The following CNTN4 variants were observed in gnomAD, a reference collection of about 807,000 sequenced individuals.
CNTN4 encodes contactin 4.
A neutral mutation model predicts 122.5 loss-of-function variants in CNTN4; 77 were observed. The observed-to-expected ratio is 0.63, with a 90% confidence interval of 0.52 to 0.76. The LOEUF (loss-of-function observed/expected upper bound fraction) is 0.76, where lower values mean the gene tolerates loss of function less well. CNTN4 is among the 30% of genes least tolerant of loss of function. CNTN4 has a pLI of 0.00. For synonymous variants in CNTN4, 512 were observed against 447.0 expected (o/e 1.15, Z -1.83); for missense variants, 1,256 against 1,259.1 (o/e 1.00, Z 0.04).
At chr3:2,275,940 A>C (rs1436089880) in intron 2 of CNTN4, among the ~76,000 whole-genome samples, 24 of 33,708 alleles carry the variant, frequency 7.1e-4, no homozygotes, top group African/African-American at 2.0e-3. Flanking sequence ...AAAAAAAACA[A>C]AAAAAAATAT....
intron 20 of CNTN4, 27 bp from the exon 21 acceptor site, chr3:3,042,283 A>C (rs1700233392): frequency 6.9e-7 from 1 of 1,442,258 alleles, no homozygotes; most frequent in Non-Finnish European, 9.8e-7. Context: ...CTGATAGAGT[A>C]ATAACTATCT....
In CNTN4 at chr3:2,986,172, C is replaced by T. The variant is rs914025970; in HGVS notation, c.1359-2173C>T. 5.3e-5 allele frequency among the ~76,000 whole-genome samples: 8 copies of T among 152,222 alleles called. No homozygotes were observed. In the South Asian group the frequency reaches 1.7e-3, roughly 32 times the overall value. ...TCAAGTGATCCTCCTGCCTCAGCCCCCTAAAGTGCTAGAATTACAGGCATG... is the reference window on the plus strand; with the variant it reads ...TCAAGTGATCCTCCTGCCTCAGCCCTCTAAAGTGCTAGAATTACAGGCATG... On this transcript the variant is annotated intron_variant, in intron 13 of 24. Transcript: ENST00000418658.
At chr3:3,041,550 C>T (rs1367329116) in intron 20 of CNTN4, among the ~76,000 whole-genome samples, 1 of 152,206 alleles carries the variant, frequency 6.6e-6, no homozygotes, top group Non-Finnish European at 1.5e-5. Context: ...GCATCTTTGG[C>T]TGCAAAGGAG....
At chr3:2,104,088 T>C (rs1377373201) in intron 2 of CNTN4, among the ~76,000 whole-genome samples, 1 of 152,202 alleles carries the variant, frequency 6.6e-6, no homozygotes, top group Non-Finnish European at 1.5e-5. Flanking sequence ...AAATACTGTA[T>C]ACCTACCAGT....
At chr3:2,953,105 G>C (rs969990865) in intron 13 of CNTN4, among the ~76,000 whole-genome samples, 4 of 152,166 alleles carry the variant, frequency 2.6e-5, no homozygotes, top group African/African-American at 9.7e-5. Context: ...GACATAAACT[G>C]TGTCCACTAT....
At chr3:2,267,418 A>G (rs2041097377) in intron 2 of CNTN4, among the ~76,000 whole-genome samples, 1 of 152,104 alleles carries the variant, frequency 6.6e-6, no homozygotes, top group South Asian at 2.1e-4. Context: ...ATGTATACAA[A>G]TCAAAGCAGG....
chr3:2,588,555 C>T (rs999770944), intron 4 of CNTN4, among the ~76,000 whole-genome samples: 7 of 151,770 alleles, frequency 4.6e-5, no homozygotes, highest in Non-Finnish European at 5.9e-5. Flanking sequence ...TTAGTAGAGA[C>T]GGGGTTTTAC....
intron 13 of CNTN4, among the ~76,000 whole-genome samples, chr3:2,960,941 G>T (rs887047337): frequency 1.3e-5 from 2 of 152,062 alleles, no homozygotes; most frequent in African/African-American, 4.8e-5. Flanking sequence ...CAAGATAAAG[G>T]CCTATTGTGC....
At chr3:2,536,712 C>G (rs1219786462) in intron 3 of CNTN4, among the ~76,000 whole-genome samples, 3 of 151,728 alleles carry the variant, frequency 2.0e-5, no homozygotes, top group Admixed American at 6.6e-5. Context: ...GCATGAGCCA[C>G]AAGCCACCCC....
intron 6 of CNTN4, among the ~76,000 whole-genome samples, chr3:2,809,719 C>T (rs367997408): frequency 2.6e-5 from 4 of 152,280 alleles, no homozygotes; most frequent in African/African-American, 7.2e-5. Flanking sequence ...TTAGGGCACC[C>T]GTCTCCGAAG....
chr3:2,675,211 C>G (rs1326700174), intron 4 of CNTN4, among the ~76,000 whole-genome samples: 2 of 151,968 alleles, frequency 1.3e-5, no homozygotes, highest in African/African-American at 4.8e-5. Flanking sequence ...ATGATCTGGC[C>G]CTTCCTGCCT....
chr3:2,604,707 CT>C (rs746997516), intron 4 of CNTN4, among the ~76,000 whole-genome samples: 2 of 152,060 alleles, frequency 1.3e-5, no homozygotes, highest in African/African-American at 2.4e-5. Flanking sequence ...ATATAAAAAG[CT>C]GTACATATTT....
intron 12 of CNTN4, among the ~76,000 whole-genome samples, chr3:2,917,352 G>GAGAGGA (rs2094379593): frequency 6.6e-6 from 1 of 151,904 alleles, no homozygotes; most frequent in African/African-American, 2.4e-5. Context: ...GAGGAAGAGG[G>GAGAGGA]AGACGGAGAC....
At chr3:2,127,380 T>C (rs2034227136) in intron 2 of CNTN4, among the ~76,000 whole-genome samples, 1 of 152,248 alleles carries the variant, frequency 6.6e-6, no homozygotes, top group African/African-American at 2.4e-5. Context: ...ATAAACTCAA[T>C]ATTTGATCAA....
intron 12 of CNTN4, among the ~76,000 whole-genome samples, chr3:2,912,894 G>A (rs772788640): frequency 4.6e-5 from 7 of 152,222 alleles, no homozygotes; most frequent in East Asian, 1.9e-4. Flanking sequence ...GCTCACGCCC[G>A]TAATCCCAGC....
chr3:2,944,577 G>A lies in CNTN4; in HGVS notation c.1358+18798G>A, dbSNP rs370351167. Among the ~76,000 whole-genome samples the A allele has an allele frequency of 3.4e-4, 52 of 152,088 alleles. No homozygotes were observed. In the East Asian group the frequency reaches 8.5e-3, roughly 25 times the overall value. On this transcript the variant is annotated intron_variant, in intron 13 of 24. Coordinates refer to ENST00000418658, the MANE Select transcript of CNTN4 (RefSeq NM_175607.3). ...TACTAGACTCTATTAAACACCTACC[G>A]AAAACACAGCAAAGCAAAATGTAAG...
At chr3:2,925,534 G>A (rs1193833504) in intron 12 of CNTN4, 95 bp from the exon 13 acceptor site, 12 of 1,356,026 alleles carry the variant, frequency 8.8e-6, no homozygotes, top group Non-Finnish European at 1.2e-5. Context: ...AACAGAGCAA[G>A]ACTCTGTCTC....
chr3:2,997,407 GA>G (rs1259766878), intron 14 of CNTN4, among the ~76,000 whole-genome samples: 1 of 152,198 alleles, frequency 6.6e-6, no homozygotes, highest in Admixed American at 6.5e-5. Flanking sequence ...GTCTGAAAGG[GA>G]AAGCTTGGTT....
chr3:3,047,304 C>G (rs1409642680), intron 23 of CNTN4, among the ~76,000 whole-genome samples: 1 of 152,228 alleles, frequency 6.6e-6, no homozygotes, highest in African/African-American at 2.4e-5. Context: ...AACTCTCCAC[C>G]CCAAATCAAC....
Sources: gnomAD v4.1 joint callset for allele counts (sites outside exome capture counted in the v4.1 genomes callset) on GRCh38, gnomAD v4.1.1 for gene constraint, MANE v1.5 for transcripts, NCBI Gene and HGNC (gene_info 2026-07-23, HGNC 2026-07-21) for gene names.